DYSF: variants seen among roughly 807,000 people sequenced by gnomAD.
The protein encoded by DYSF is dysferlin.
In DYSF, 212 loss-of-function variants were observed where a neutral mutation model predicts 274.9. The ratio of observed to expected loss-of-function variants is 0.77; its 90% confidence interval spans 0.69 to 0.86. The LOEUF (loss-of-function observed/expected upper bound fraction) is 0.86. DYSF is among the 40% of genes least tolerant of loss of function. The probability of loss-of-function intolerance (pLI) is 0.00; values close to 1 mark genes in which losing one functional copy is unlikely to be tolerated. For synonymous variants in DYSF, 1,091 were observed against 1,078.7 expected, an observed-to-expected ratio of 1.01 and a Z score of -0.22; for missense variants, 2,666 against 2,783.2, an observed-to-expected ratio of 0.96 and a Z score of 0.95.
chr2:71,595,669 C>T (rs1181679967), intron 32 of DYSF, among the ~76,000 whole-genome samples: 1 of 152,252 alleles, frequency 6.6e-6, no homozygotes, highest in Non-Finnish European at 1.5e-5. Context: ...AGGTCCCTGA[C>T]TCCCTTGTGG....
intron 45 of DYSF, among the ~76,000 whole-genome samples, chr2:71,661,308 A>T (rs1275948600): frequency 6.6e-6 from 1 of 151,942 alleles, no homozygotes; most frequent in East Asian, 1.9e-4. Flanking sequence ...CCCTTACTCA[A>T]TTTCCCCCAC....
At chr2:71,656,843 C>G (rs1336275504) in intron 43 of DYSF, among the ~76,000 whole-genome samples, 1 of 152,098 alleles carries the variant, frequency 6.6e-6, no homozygotes, top group Non-Finnish European at 1.5e-5. Context: ...GGTCCCTCCC[C>G]CAACACGTGG....
Position 71,520,792 on chromosome 2 carries a change from A to G in DYSF, c.1037A>G (p.His346Arg). 1.2e-6 allele frequency: 2 copies of G among 1,613,932 alleles called. No individual in the cohort carries two copies. The highest frequency in any genetic ancestry group is 2.2e-5 in the South Asian group (2 of 91,076). ...DVGTIYREPR[H>R]AYLRKWLLLS... ...CAGAGGATGTTGTCTCTCTTAGGGC[A>G]CGCCTATCTCAGGAAGTGGCTGCTG... The change falls in exon 12 of 56, where the codon CAC becomes CGC. Residue 346 changes from histidine (H) to arginine (R), a missense_variant. His to Arg is a conservative substitution (Grantham distance 29). This residue lies in a region of DYSF where 794 missense variants were observed against 777.1 expected (regional missense o/e 1.02). Transcript: ENST00000410020.
intron 41 of DYSF, among the ~76,000 whole-genome samples, chr2:71,642,339 A>G (rs2094500096): frequency 6.6e-6 from 1 of 152,160 alleles, no homozygotes; most frequent in African/African-American, 2.4e-5. Flanking sequence ...TGTGTGTTTT[A>G]GCATACACAT....
intron 17 of DYSF, among the ~76,000 whole-genome samples, chr2:71,546,872 C>A (rs1051924376): frequency 1.3e-5 from 2 of 152,238 alleles, no homozygotes; most frequent in African/African-American, 2.4e-5. Context: ...CGGGGCAGAC[C>A]GCAGGTGATG....
chr2:71,518,864 G>A (rs936732756), intron 10 of DYSF, among the ~76,000 whole-genome samples: 1 of 151,726 alleles, frequency 6.6e-6, no homozygotes, highest in African/African-American at 2.4e-5. Flanking sequence ...AGGCCAAGGT[G>A]GGCAGATCAC....
At chr2:71,554,243 C>T (rs1203252198) in intron 21 of DYSF, among the ~76,000 whole-genome samples, 1 of 151,754 alleles carries the variant, frequency 6.6e-6, no homozygotes, top group Non-Finnish European at 1.5e-5. Flanking sequence ...CTCGCTTACT[C>T]ACTCATTACA....
At chr2:71,599,983 G>A (rs1240643928) in intron 33 of DYSF, among the ~76,000 whole-genome samples, 5 of 152,164 alleles carry the variant, frequency 3.3e-5, no homozygotes, top group Admixed American at 6.5e-5. Context: ...TTGGAGAAGG[G>A]CACAGGCCCT....
At chr2:71,544,315 A>G (rs1387212482) in intron 17 of DYSF, among the ~76,000 whole-genome samples, 1 of 152,148 alleles carries the variant, frequency 6.6e-6, no homozygotes, top group Non-Finnish European at 1.5e-5. Flanking sequence ...GCTGGAGGAC[A>G]GGTTAACGTG....
chr2:71,553,754 C>CAA (rs2152792232), intron 20 of DYSF, 53 bp from the exon 21 acceptor site: 12 of 538,748 alleles, frequency 2.2e-5, no homozygotes, highest in Non-Finnish European at 3.7e-5. Flanking sequence ...AGCACCCCAT[C>CAA]CCACCCGCCC....
chr2:71,549,214 C>T, intron 17 of DYSF: 1 of 797,176 alleles, frequency 1.3e-6, no homozygotes, highest in African/African-American at 1.7e-5. Flanking sequence ...GGGCCTCGGG[C>T]CACATCTGTT....
chr2:71,682,540 ACCT>A lies in DYSF; in HGVS notation c.6188_6190del (p.Ser2063del), dbSNP rs749250405. On this transcript the variant is annotated inframe_deletion, in exon 55 of 56. Transcript: ENST00000410020. ...GGATCTCGCTTCCAGGCGCCCCGACACCTCCTTCCTGTGGTTTACCTCCCCATA... is the reference window on the plus strand; with the variant it reads ...GGATCTCGCTTCCAGGCGCCCCGACACCTTCCTGTGGTTTACCTCCCCATA... The A allele has an allele frequency of 6.2e-7, 1 of 1,613,388 alleles. No individual in the cohort carries two copies. The highest frequency in any genetic ancestry group is 8.5e-7 in the Non-Finnish European group (1 of 1,179,852).
chr2:71,649,696 C>G (rs539912817), intron 42 of DYSF, among the ~76,000 whole-genome samples: 48 of 152,052 alleles, frequency 3.2e-4, no homozygotes, highest in African/African-American at 1.0e-3. Context: ...AAAAAAAGAA[C>G]CTATGAAATG....
intron 51 of DYSF, among the ~76,000 whole-genome samples, chr2:71,673,436 C>G (rs959390699): frequency 1.3e-5 from 2 of 152,174 alleles, no homozygotes; most frequent in East Asian, 3.9e-4. Flanking sequence ...CAGCAGGAGA[C>G]GGAACTTCCC....
intron 41 of DYSF, among the ~76,000 whole-genome samples, chr2:71,636,600 T>G (rs1461738999): frequency 6.6e-6 from 1 of 152,114 alleles, no homozygotes; most frequent in Non-Finnish European, 1.5e-5. Context: ...AATCTGGACT[T>G]AGCTTTGCAA....
Position 71,612,775 on chromosome 2 carries a change from G to T in DYSF, c.4356G>T (p.Ser1452=). Residue 1452 remains serine, a synonymous_variant, in exon 39 of 56, where the codon TCG becomes TCT. Coordinates refer to ENST00000410020, the MANE Select transcript of DYSF (RefSeq NM_001130987.2). The stretch of plus-strand genomic sequence containing the variant: ...AGAGCTTCCTGTGTGACCCCTACTC[G>T]GCGGAGAGTCCATCCCCACAGGGTG... The part of the protein sequence containing the change: ...SLESFLCDPY[S]AESPSPQGGP... 6.2e-7 allele frequency: 1 copy of T among 1,613,902 alleles called. No homozygotes were observed. Among genetic ancestry groups the T allele is most frequent in the Non-Finnish European group, 8.5e-7 (1 of 1,179,846 alleles).
intron 3 of DYSF, among the ~76,000 whole-genome samples, chr2:71,489,538 G>A (rs2083642310): frequency 6.6e-6 from 1 of 152,248 alleles, no homozygotes; most frequent in African/African-American, 2.4e-5. Flanking sequence ...GGCAAGGGTG[G>A]CCTGATGCCT....
chr2:71,468,565 C>A (rs1425763914), intron 1 of DYSF, among the ~76,000 whole-genome samples: 2 of 152,176 alleles, frequency 1.3e-5, no homozygotes, highest in African/African-American at 4.8e-5. Context: ...CTCTGTATTC[C>A]TTCTTTGTAA....
At position 71,650,219 on chromosome 2, in the gene DYSF, G is replaced by A. The variant is rs554189619; in HGVS notation, c.4627-5943G>A. On this transcript the variant is annotated intron_variant, in intron 42 of 55. Coordinates refer to ENST00000410020, the MANE Select transcript of DYSF (RefSeq NM_001130987.2). ...GAGGAGGCCAAGTGTGGTGGCTCAAGCCTGTAATCTCAGCACTTTGGGAGG... is the reference window on the plus strand; with the variant it reads ...GAGGAGGCCAAGTGTGGTGGCTCAAACCTGTAATCTCAGCACTTTGGGAGG... Among the ~76,000 whole-genome samples the A allele has an allele frequency of 5.3e-5, 8 of 152,288 alleles. No individual in the cohort carries two copies. The East Asian group carries it at 1.2e-3, about 22-fold the overall frequency.
Sources: gnomAD v4.1 joint callset for allele counts (sites outside exome capture counted in the v4.1 genomes callset) on GRCh38, gnomAD v4.1.1 for gene constraint, gnomAD v4.1.1 regional missense constraint, MANE v1.5 for transcripts, NCBI Gene and HGNC (gene_info 2026-07-23, HGNC 2026-07-21) for gene names.